KIF6: variants seen among roughly 807,000 people sequenced by gnomAD.
KIF6 encodes kinesin-like protein KIF6.
A neutral mutation model predicts 112.7 loss-of-function variants in KIF6; 106 were observed. The ratio of observed to expected loss-of-function variants is 0.94; its 90% CI spans 0.80 to 1.11. The LOEUF (loss-of-function observed/expected upper bound fraction) is 1.11, where lower values mean the gene tolerates loss of function less well. Ranked by LOEUF, KIF6 falls within the 50% of genes least tolerant of loss-of-function variation. The pLI is 0.00. For synonymous variants in KIF6, 339 were observed against 339.9 expected (o/e 1.00, Z 0.03); for missense variants, 929 against 964.0 (o/e 0.96, Z 0.48).
At chr6:39,670,840 C>T (rs1786773378) in intron 3 of KIF6, among the ~76,000 whole-genome samples, 1 of 152,098 alleles carries the variant, frequency 6.6e-6, no homozygotes, top group East Asian at 1.9e-4. Context: ...AGGCTTTGAG[C>T]ACCCTCCCCA....
At chr6:39,492,453 CA>C (rs1167311421) in intron 13 of KIF6, among the ~76,000 whole-genome samples, 3 of 152,228 alleles carry the variant, frequency 2.0e-5, no homozygotes, top group African/African-American at 7.2e-5. Context: ...GAAGTTTCCT[CA>C]GTTGCAAATA....
chr6:39,494,179 T>C (rs1216223702), intron 13 of KIF6, among the ~76,000 whole-genome samples: 3 of 152,252 alleles, frequency 2.0e-5, no homozygotes, highest in African/African-American at 7.2e-5. Context: ...GTAAGGTTTA[T>C]ATCTGATGAG....
chr6:39,487,292 A>G lies in KIF6; in HGVS notation c.1645+52711T>C, dbSNP rs572826861. 4.6e-5 allele frequency among the ~76,000 whole-genome samples: 7 copies of G among 152,318 alleles called. No homozygotes were observed. The East Asian group carries it at 7.7e-4, about 17-fold the overall frequency. ...ATCCCCATTCAGGACCTGGTCTCCC[A>G]GCTGCTGGGACTGCTGCTGGCCCAC... On this transcript the variant is annotated intron_variant, in intron 13 of 22. Coordinates refer to ENST00000287152, the MANE Select transcript of KIF6 (RefSeq NM_145027.6).
chr6:39,384,778 T>C (rs912808910), intron 16 of KIF6, among the ~76,000 whole-genome samples: 9 of 152,186 alleles, frequency 5.9e-5, no homozygotes, highest in African/African-American at 2.2e-4. Flanking sequence ...TACATGAATT[T>C]CTTATTTAAT....
chr6:39,620,706 T>C (rs111699902), intron 5 of KIF6, among the ~76,000 whole-genome samples: 234 of 152,258 alleles, frequency 1.5e-3, no homozygotes, highest in African/African-American at 5.4e-3. Flanking sequence ...CATAAAATTA[T>C]AAATGTATGC....
At chr6:39,372,076 G>A (rs1330223587) in intron 16 of KIF6, among the ~76,000 whole-genome samples, 1 of 152,220 alleles carries the variant, frequency 6.6e-6, no homozygotes, top group South Asian at 2.1e-4. Flanking sequence ...GTTGGCCTGA[G>A]TTGGGGTAAG....
At chr6:39,556,195 G>A (rs915938779) in intron 10 of KIF6, among the ~76,000 whole-genome samples, 3 of 151,998 alleles carry the variant, frequency 2.0e-5, no homozygotes, top group Non-Finnish European at 2.9e-5. Flanking sequence ...TTTTCTGTAG[G>A]CAAACACTGT....
At chr6:39,500,760 G>C (rs546323447) in intron 13 of KIF6, among the ~76,000 whole-genome samples, 1 of 152,210 alleles carries the variant, frequency 6.6e-6, no homozygotes, top group South Asian at 2.1e-4. Flanking sequence ...CTATAGAAAT[G>C]GGAGTTTGGA....
intron 15 of KIF6, among the ~76,000 whole-genome samples, chr6:39,403,391 T>A (rs1018145577): frequency 1.3e-5 from 2 of 152,186 alleles, no homozygotes; most frequent in African/African-American, 4.8e-5. Flanking sequence ...CAGAATGTCA[T>A]ATAGCTGGAA....
intron 16 of KIF6, among the ~76,000 whole-genome samples, chr6:39,368,416 C>T (rs894952600): frequency 2.6e-5 from 4 of 152,118 alleles, no homozygotes; most frequent in East Asian, 1.9e-4. Flanking sequence ...TGGCTCTGTC[C>T]GATTTCAAAG....
At chr6:39,631,543 C>T (rs1006650184) in intron 5 of KIF6, among the ~76,000 whole-genome samples, 10 of 152,076 alleles carry the variant, frequency 6.6e-5, no homozygotes, top group African/African-American at 1.2e-4. Context: ...CTTTAGCCTG[C>T]GGATTACATT....
At chr6:39,507,137 G>A (rs900234143) in intron 13 of KIF6, among the ~76,000 whole-genome samples, 11 of 152,210 alleles carry the variant, frequency 7.2e-5, no homozygotes, top group African/African-American at 2.7e-4. Flanking sequence ...ACAAGTACAA[G>A]TGGCAACCTG....
chr6:39,585,523 T>C (rs1280545793), intron 8 of KIF6, among the ~76,000 whole-genome samples: 1 of 152,168 alleles, frequency 6.6e-6, no homozygotes, highest in Non-Finnish European at 1.5e-5. Context: ...TTTGGCTTAA[T>C]AAAATTACCA....
intron 10 of KIF6, among the ~76,000 whole-genome samples, chr6:39,556,928 T>A (rs569351035): frequency 1.8e-4 from 28 of 152,318 alleles, no homozygotes; most frequent in African/African-American, 6.7e-4. Context: ...GGTTCTGTCT[T>A]GTATGAAATT....
At chr6:39,615,769 A>G (rs1046493589) in intron 5 of KIF6, among the ~76,000 whole-genome samples, 19 of 152,136 alleles carry the variant, frequency 1.2e-4, no homozygotes, top group African/African-American at 4.6e-4. Context: ...TGGTTGTAAA[A>G]CACCTGAAGA....
chr6:39,640,869 CTGT>C (rs1784864416), intron 3 of KIF6, among the ~76,000 whole-genome samples: 1 of 152,130 alleles, frequency 6.6e-6, no homozygotes, highest in Non-Finnish European at 1.5e-5. Context: ...GTCAATGCAT[CTGT>C]TGCTGTGTAG....
chr6:39,434,940 C>G (rs922901678), intron 13 of KIF6, among the ~76,000 whole-genome samples: 1 of 152,190 alleles, frequency 6.6e-6, no homozygotes, highest in Non-Finnish European at 1.5e-5. Flanking sequence ...TTCTTATATA[C>G]TCTATACCAA....
chr6:39,359,335 C>G (rs1042817681), intron 18 of KIF6, among the ~76,000 whole-genome samples: 1 of 152,126 alleles, frequency 6.6e-6, no homozygotes, highest in Non-Finnish European at 1.5e-5. Flanking sequence ...TCATTTTAGC[C>G]TTCATCAAAC....
At chr6:39,514,460 T>C (rs1776951801) in intron 13 of KIF6, among the ~76,000 whole-genome samples, 1 of 152,254 alleles carries the variant, frequency 6.6e-6, no homozygotes, top group Admixed American at 6.5e-5. Context: ...GAAAAACCTC[T>C]TTAATGTAGG....
Sources: gnomAD v4.1 joint callset for allele counts (sites outside exome capture counted in the v4.1 genomes callset) on GRCh38, gnomAD v4.1.1 for gene constraint, MANE v1.5 for transcripts, NCBI Gene and HGNC (gene_info 2026-07-23, HGNC 2026-07-21) for gene names.